CSPP1: variants seen among roughly 807,000 people sequenced by gnomAD.
CSPP1 encodes centrosome and spindle pole associated protein 1.
CSPP1 carries 126 observed loss-of-function variants against 164.4 expected under a neutral mutation model. That is an observed-to-expected ratio of 0.77 (90% CI 0.66 to 0.89). The LOEUF is 0.89. Ranked by LOEUF, CSPP1 falls within the 40% of genes least tolerant of loss-of-function variation. The probability of loss-of-function intolerance (pLI) is 0.00; values close to 1 mark genes in which losing one functional copy is unlikely to be tolerated. For missense variants in CSPP1, 1,395 were observed against 1,449.8 expected, an observed-to-expected ratio of 0.96 and a Z score of 0.61; for synonymous variants, 472 against 476.7, an observed-to-expected ratio of 0.99 and a Z score of 0.13.
chr8:67,114,669 T>C (rs1256286488), intron 12 of CSPP1: 15 of 152,216 alleles, frequency 9.9e-5, no homozygotes, highest in Non-Finnish European at 4.4e-5. Flanking sequence ...CCTGATAAGA[T>C]AACCATGGTA....
chr8:67,118,573 G>A (rs542926329), intron 14 of CSPP1, among the ~76,000 whole-genome samples, 170 bp from the exon 15 acceptor site: 9 of 152,096 alleles, frequency 5.9e-5, no homozygotes, highest in Non-Finnish European at 8.8e-5. Context: ...AAGAAATAAC[G>A]ATTGTGTTTT....
At chr8:67,068,753 A>G (rs1202025968) in intron 1 of CSPP1, among the ~76,000 whole-genome samples, 1 of 152,240 alleles carries the variant, frequency 6.6e-6, no homozygotes, top group Non-Finnish European at 1.5e-5. Flanking sequence ...TTTTCTGTTG[A>G]AGATAAACTA....
intron 1 of CSPP1, among the ~76,000 whole-genome samples, chr8:67,066,417 T>C (rs1053450977): frequency 6.6e-6 from 1 of 152,082 alleles, no homozygotes. Flanking sequence ...TCTAAAGCTC[T>C]TTCACTGGCC....
At chr8:67,126,991 G>C (rs1376301355) in intron 15 of CSPP1, among the ~76,000 whole-genome samples, 1 of 151,816 alleles carries the variant, frequency 6.6e-6, no homozygotes, top group Non-Finnish European at 1.5e-5. Flanking sequence ...GGGAATTCCA[G>C]ACCTATTCTA....
At chr8:67,171,136 C>T (rs1047451834) in intron 24 of CSPP1, among the ~76,000 whole-genome samples, 1 of 148,606 alleles carries the variant, frequency 6.7e-6, no homozygotes, top group African/African-American at 2.5e-5. Context: ...GTGGCTCATG[C>T]ACGCCTGTAA....
At chr8:67,099,639 T>C (rs943624041) in intron 7 of CSPP1, among the ~76,000 whole-genome samples, 2 of 152,186 alleles carry the variant, frequency 1.3e-5, no homozygotes, top group Admixed American at 1.3e-4. Context: ...TGATTCTTAC[T>C]AGTTGCTTTC....
chr8:67,064,778 T>G, intron 1 of CSPP1: 3 of 245,358 alleles, frequency 1.2e-5, no homozygotes, highest in Non-Finnish European at 2.2e-5. Flanking sequence ...TGTGGAGAGT[T>G]GGGATTTCGC....
intron 2 of CSPP1, chr8:67,074,868 C>A: frequency 4.5e-6 from 1 of 221,766 alleles, no homozygotes; most frequent in Non-Finnish European, 9.1e-6. Context: ...ACAACCTCCG[C>A]CTCCCAGGCT....
In CSPP1 at chr8:67,071,106, G is replaced by A. The variant is rs368426638; in HGVS notation, c.-10-3137G>A. On this transcript the variant is annotated intron_variant, in intron 1 of 30. Transcript: ENST00000678616. ...TTTTGGCATTACATAATGGCGTGAAGTTTACATTAGGTACTGTTTACCTGT... is the reference window on the plus strand; with the variant it reads ...TTTTGGCATTACATAATGGCGTGAAATTTACATTAGGTACTGTTTACCTGT... Among the ~76,000 whole-genome samples, 31 of 152,208 alleles carry A rather than the reference G, an allele frequency of 2.0e-4. No homozygotes were observed. The East Asian group carries it at 2.9e-3, about 14-fold the overall frequency.
At position 67,113,795 on chromosome 8, in the gene CSPP1, T is replaced by C. The variant is rs1458775172; in HGVS notation, c.1188-10T>C. 3 of 1,489,864 alleles carry C rather than the reference T, an allele frequency of 2.0e-6. No homozygotes were observed. Among genetic ancestry groups the C allele is most frequent in the Non-Finnish European group, 1.8e-6 (2 of 1,087,754 alleles). The allele number at this position is 1,489,864 out of a possible 1,614,324, so 92.3% of individuals were successfully genotyped here. ...ATCTTTTTAATATGTAAAACTTTAA[T>C]TTTGTTTAGAGAAAAAGATTTAGAA... On this transcript the variant is annotated splice_polypyrimidine_tract_variant and intron_variant, in intron 10 of 30. Coordinates refer to ENST00000678616, the MANE Select transcript of CSPP1 (RefSeq NM_001382391.1).
At chr8:67,159,913 TTTCTTTC>T (rs1827672220) in intron 21 of CSPP1, among the ~76,000 whole-genome samples, 1 of 58,784 alleles carries the variant, frequency 1.7e-5, no homozygotes, top group Admixed American at 2.0e-4. Flanking sequence ...TCTTTCTTTC[TTTCTTTC>T]TTTCCTTTCC....
chr8:67,167,432 G>T (rs796733305), intron 24 of CSPP1, among the ~76,000 whole-genome samples: 18 of 119,568 alleles, frequency 1.5e-4, no homozygotes, highest in Admixed American at 9.1e-4. Context: ...GCGGCTGGCC[G>T]GGCGGGGGCT....
rs757562455 is a variant in CSPP1 at position 67,163,759 on chromosome 8, C to A, written c.2671C>A (p.Pro891Thr). The change falls in exon 23 of 31, where the codon CCC becomes ACC. Residue 891 changes from proline to threonine, a missense_variant. By Grantham distance (38) the Pro-to-Thr change is conservative. Coordinates refer to ENST00000678616, the MANE Select transcript of CSPP1 (RefSeq NM_001382391.1). Reference sequence around the variant, plus strand: ...AAGTTCCATGTCCAGGGCACAGTCACCCCCGGTACCTGCCAGGAAAAATCA... The same window carrying A: ...AAGTTCCATGTCCAGGGCACAGTCAACCCCGGTACCTGCCAGGAAAAATCA... ...HESSMSRAQS[P>T]PVPARKNQLR... is the part of the protein sequence containing the mutation. 76 of 1,612,870 alleles carry A rather than the reference C, an allele frequency of 4.7e-5. No individual in the cohort carries two copies. Among genetic ancestry groups the A allele is most frequent in the Non-Finnish European group, 6.4e-5 (76 of 1,179,242 alleles).
At chr8:67,126,847 C>T (rs1288241295) in intron 15 of CSPP1, among the ~76,000 whole-genome samples, 2 of 152,062 alleles carry the variant, frequency 1.3e-5, no homozygotes, top group African/African-American at 4.8e-5. Context: ...TAAGTAATTA[C>T]TGCTGATTGT....
intron 3 of CSPP1, among the ~76,000 whole-genome samples, chr8:67,077,534 G>A (rs947807978): frequency 6.6e-5 from 10 of 152,028 alleles, no homozygotes; most frequent in Non-Finnish European, 1.2e-4. Context: ...ACAGGGTTTC[G>A]CAGTGTTGGC....
chr8:67,158,136 A>C (rs2129560037), intron 19 of CSPP1, among the ~76,000 whole-genome samples: 1 of 152,298 alleles, frequency 6.6e-6, no homozygotes, highest in Non-Finnish European at 1.5e-5. Context: ...ACATTGTTTC[A>C]CTTTAATTCT....
At chr8:67,184,322 A>G (rs1465132064) in intron 28 of CSPP1, among the ~76,000 whole-genome samples, 1 of 152,246 alleles carries the variant, frequency 6.6e-6, no homozygotes, top group African/African-American at 2.4e-5. Flanking sequence ...GCAGAAATCA[A>G]TGAAATTGAA....
intron 7 of CSPP1, among the ~76,000 whole-genome samples, chr8:67,102,830 A>G (rs780199460): frequency 6.6e-6 from 1 of 152,228 alleles, no homozygotes; most frequent in Non-Finnish European, 1.5e-5. Context: ...ATCTTTTTAG[A>G]AAAGATTATT....
chr8:67,143,799 A>G (rs997143937), intron 17 of CSPP1, among the ~76,000 whole-genome samples: 6 of 152,132 alleles, frequency 3.9e-5, no homozygotes, highest in African/African-American at 1.4e-4. Flanking sequence ...TACTGTCTGT[A>G]GTCTGTGTGG....
Sources: gnomAD v4.1 joint callset for allele counts (sites outside exome capture counted in the v4.1 genomes callset) on GRCh38, gnomAD v4.1.1 for gene constraint, MANE v1.5 for transcripts, NCBI Gene and HGNC (gene_info 2026-07-23, HGNC 2026-07-21) for gene names.